Variants in MEF2A observed in about 807,000 individuals in gnomAD.
The protein encoded by MEF2A is myocyte-specific enhancer factor 2A.
A neutral mutation model predicts 55.8 loss-of-function variants in MEF2A; 28 were observed. The ratio of observed to expected loss-of-function variants is 0.50; its 90% CI spans 0.37 to 0.69. MEF2A has a LOEUF of 0.69. Ranked by LOEUF, MEF2A falls within the 30% of genes least tolerant of loss-of-function variation. MEF2A has a pLI of 0.00. For synonymous variants in MEF2A, 239 were observed against 227.1 expected, an observed-to-expected ratio of 1.05 and a Z score of -0.47; for missense variants, 528 against 626.2, an observed-to-expected ratio of 0.84 and a Z score of 1.67.
At chr15:99,711,463 G>A (rs983965105) in intron 11 of MEF2A, among the ~76,000 whole-genome samples, 1 of 152,246 alleles carries the variant, frequency 6.6e-6, no homozygotes, top group Non-Finnish European at 1.5e-5. Context: ...TGACAGCCGG[G>A]AGAAAGAACA....
At chr15:99,617,036 C>A (rs1018166781) in intron 2 of MEF2A, among the ~76,000 whole-genome samples, 2 of 152,102 alleles carry the variant, frequency 1.3e-5, no homozygotes, top group African/African-American at 4.8e-5. Flanking sequence ...ATTTATTTGT[C>A]TTTTTTCATG....
intron 2 of MEF2A, among the ~76,000 whole-genome samples, chr15:99,606,540 A>G (rs1975192845): frequency 6.6e-6 from 1 of 152,192 alleles, no homozygotes; most frequent in Non-Finnish European, 1.5e-5. Flanking sequence ...TCAATGTGAC[A>G]GAGACAATCC....
At chr15:99,586,031 C>T (rs1183735636) in intron 1 of MEF2A, among the ~76,000 whole-genome samples, 1 of 151,940 alleles carries the variant, frequency 6.6e-6, no homozygotes, top group African/African-American at 2.4e-5. Context: ...GTAGTTTGTT[C>T]CATTTTTCTG....
intron 1 of MEF2A, among the ~76,000 whole-genome samples, chr15:99,579,318 G>A (rs1359498950): frequency 6.8e-6 from 1 of 147,896 alleles, no homozygotes; most frequent in Admixed American, 6.7e-5. Flanking sequence ...TTTTTTTTTC[G>A]GTCAGTGGAG....
intron 8 of MEF2A, among the ~76,000 whole-genome samples, chr15:99,701,166 T>A: frequency 6.6e-6 from 1 of 152,184 alleles, no homozygotes; most frequent in Non-Finnish European, 1.5e-5. Flanking sequence ...AATAAGAGAA[T>A]CCTGGAAAAC....
intron 4 of MEF2A, among the ~76,000 whole-genome samples, chr15:99,656,870 CACAAGTTGGT>C (rs2047813005): frequency 6.6e-6 from 1 of 152,030 alleles, no homozygotes; most frequent in East Asian, 1.9e-4. Flanking sequence ...TTAGTCCATT[CACAAGTTGGT>C]ACAACCATGA....
At chr15:99,699,131 T>G (rs2056975581) in intron 8 of MEF2A, among the ~76,000 whole-genome samples, 2 of 152,094 alleles carry the variant, frequency 1.3e-5, no homozygotes, top group Non-Finnish European at 1.5e-5. Context: ...GCACATGAAT[T>G]GAAAACTATA....
At chr15:99,651,894 T>C (rs374589165) in intron 4 of MEF2A, among the ~76,000 whole-genome samples, 5 of 152,216 alleles carry the variant, frequency 3.3e-5, no homozygotes, top group East Asian at 3.8e-4. Context: ...ATGATAGATA[T>C]CACTTGTATA....
intron 7 of MEF2A, among the ~76,000 whole-genome samples, chr15:99,678,476 G>A (rs2052552353): frequency 6.6e-6 from 1 of 152,142 alleles, no homozygotes; most frequent in Non-Finnish European, 1.5e-5. Flanking sequence ...TTAGAAACTC[G>A]TGATAGGTCA....
rs2153836613 is a variant in MEF2A, at chr15:99,714,141, A to G, written c.*1370A>G. The G allele has an allele frequency of 6.6e-6, 1 of 152,324 alleles. No homozygotes were observed. The highest frequency in any genetic ancestry group is 1.9e-4 in the East Asian group (1 of 5,184). The allele number at this position is 152,324 out of a possible 1,614,324, so 9.4% of individuals were successfully genotyped here. A position where few individuals can be genotyped will look rare whatever the true frequency, so the allele number is the denominator to read the frequency against. On this transcript the variant is annotated 3_prime_UTR_variant, in exon 12 of 12. Transcript: ENST00000557942. ...CTTTGTGCTGTATGGGTTGAGCATC[A>G]TTATATATTTTGTATGTGTACATAA...
intron 1 of MEF2A, among the ~76,000 whole-genome samples, chr15:99,573,170 C>T (rs1202271746): frequency 6.6e-6 from 1 of 151,984 alleles, no homozygotes; most frequent in Non-Finnish European, 1.5e-5. Context: ...CACCAGTAGT[C>T]CCAGCTATGC....
Position 99,712,840 on chromosome 15 carries a change from A to C in MEF2A, c.*69A>C. ...CTGCCCTACATATCTAAATCGGTAA[A>C]TAAGGACATGAGTTAAATATATTTA... is the stretch of plus-strand genomic sequence containing the variant. On this transcript the variant is annotated 3_prime_UTR_variant, in exon 12 of 12. Transcript: ENST00000557942. This position sits in a 1 kb window ranked among gnomAD's most constrained non-coding sequence, Gnocchi z 4.1. 6.9e-7 allele frequency: 1 copy of C among 1,457,740 alleles called. No individual in the cohort carries two copies. Among genetic ancestry groups the C allele is most frequent in the Non-Finnish European group, 9.3e-7 (1 of 1,080,348 alleles). 90.3% of individuals were successfully genotyped at this position (1,457,740 alleles called of 1,614,324 possible). A position where few individuals can be genotyped will look rare whatever the true frequency, so the allele number is the denominator to read the frequency against.
rs2045849710 is a variant in MEF2A at position 99,645,689 on chromosome 15, T to C, written c.183T>C (p.Asp61=). The change falls in exon 4 of 12, where the codon GAT becomes GAC. Residue 61 remains aspartate, a synonymous_variant. Transcript: ENST00000557942. ...AACTGTTTCAATATGCTAGCACTGATATGGACAAAGTTCTTCTCAAGTATA... is the reference window on the plus strand; with the variant it reads ...AACTGTTTCAATATGCTAGCACTGACATGGACAAAGTTCTTCTCAAGTATA... ...SNKLFQYAST[D]MDKVLLKYTE... is the part of the protein sequence containing the mutation. 1 of 1,613,624 alleles carries C rather than the reference T, an allele frequency of 6.2e-7. No homozygotes were observed. The highest frequency in any genetic ancestry group is 8.5e-7 in the Non-Finnish European group (1 of 1,179,652).
intron 8 of MEF2A, among the ~76,000 whole-genome samples, chr15:99,693,232 A>G (rs1317583304): frequency 6.6e-6 from 1 of 152,228 alleles, no homozygotes; most frequent in Non-Finnish European, 1.5e-5. Flanking sequence ...ATACAAAGAG[A>G]AAGAAGAGTG....
At chr15:99,632,645 A>C (rs2043129892) in intron 2 of MEF2A, among the ~76,000 whole-genome samples, 1 of 152,208 alleles carries the variant, frequency 6.6e-6, no homozygotes, top group Admixed American at 6.5e-5. Flanking sequence ...ATTAGGATTG[A>C]ATGAGTTAAG....
intron 2 of MEF2A, among the ~76,000 whole-genome samples, chr15:99,629,302 G>A (rs2042548573): frequency 6.6e-6 from 1 of 152,170 alleles, no homozygotes; most frequent in Non-Finnish European, 1.5e-5. Context: ...AGGATTCTTA[G>A]CAAAGCAATT....
At chr15:99,706,581 A>G in intron 9 of MEF2A, 148 bp from the exon 10 acceptor site, 1 of 755,274 alleles carries the variant, frequency 1.3e-6, no homozygotes, top group Non-Finnish European at 2.2e-6. Context: ...AGTTATTCTC[A>G]CTAGTATTTT....
At chr15:99,668,748 C>T (rs756159445) in intron 4 of MEF2A, among the ~76,000 whole-genome samples, 1 of 152,114 alleles carries the variant, frequency 6.6e-6, no homozygotes, top group Non-Finnish European at 1.5e-5. Context: ...TGTACCTGGG[C>T]CTGGCCTTCT....
At chr15:99,697,904 C>T (rs184451268) in intron 8 of MEF2A, among the ~76,000 whole-genome samples, 180 of 152,228 alleles carry the variant, frequency 1.2e-3, no homozygotes, top group Admixed American at 2.2e-3. Flanking sequence ...CAAAACGGCT[C>T]AGAAAATTTA....
Sources: gnomAD v4.1 joint callset for allele counts (sites outside exome capture counted in the v4.1 genomes callset) on GRCh38, gnomAD v4.1.1 for gene constraint, Gnocchi (gnomAD v3.1) non-coding constraint, MANE v1.5 for transcripts, NCBI Gene and HGNC (gene_info 2026-07-23, HGNC 2026-07-21) for gene names.